HSPA12A: variants seen among roughly 807,000 people sequenced by gnomAD.
The protein encoded by HSPA12A is heat shock protein family A (Hsp70) member 12A, also known as heat shock 70 kDa protein 12A.
A neutral mutation model predicts 69.2 loss-of-function variants in HSPA12A; 28 were observed. That is an observed-to-expected ratio of 0.40 (90% CI 0.30 to 0.55). HSPA12A has a LOEUF of 0.55. HSPA12A is among the 20% of genes least tolerant of loss of function. The pLI is 0.38. For missense variants in HSPA12A, 686 were observed against 900.7 expected, an observed-to-expected ratio of 0.76 and a Z score of 3.05; for synonymous variants, 345 against 370.5, an observed-to-expected ratio of 0.93 and a Z score of 0.79.
At chr10:116,692,949 C>T (rs1554880332) in intron 5 of HSPA12A, among the ~76,000 whole-genome samples, 1 of 152,160 alleles carries the variant, frequency 6.6e-6, no homozygotes, top group Non-Finnish European at 1.5e-5. Flanking sequence ...AAGGGAGTCT[C>T]ACTGCGCCCC....
intron 2 of HSPA12A, among the ~76,000 whole-genome samples, chr10:116,809,774 C>A (rs962781409): frequency 6.6e-6 from 1 of 152,228 alleles, no homozygotes; most frequent in African/African-American, 2.4e-5. Flanking sequence ...CCAAAGGACC[C>A]TTTCCTAAAA....
At chr10:116,839,115 G>A (rs796341582) in intron 1 of HSPA12A, among the ~76,000 whole-genome samples, 9 of 152,300 alleles carry the variant, frequency 5.9e-5, no homozygotes, top group African/African-American at 2.2e-4. Flanking sequence ...TACATAAGGT[G>A]AATATACTTT....
At chr10:116,835,561 C>T (rs989793343) in intron 1 of HSPA12A, among the ~76,000 whole-genome samples, 1 of 152,128 alleles carries the variant, frequency 6.6e-6, no homozygotes, top group African/African-American at 2.4e-5. Flanking sequence ...CAAAGACAAG[C>T]GACTGGGTGT....
intron 2 of HSPA12A, among the ~76,000 whole-genome samples, chr10:116,781,897 T>C (rs542505863): frequency 6.6e-6 from 1 of 152,332 alleles, no homozygotes; most frequent in East Asian, 1.9e-4. Context: ...TGATTCATTC[T>C]ACCAGGTTAA....
chr10:116,739,765 A>C (rs558794134), intron 1 of HSPA12A, among the ~76,000 whole-genome samples: 1 of 152,302 alleles, frequency 6.6e-6, no homozygotes, highest in East Asian at 1.9e-4. Flanking sequence ...ACATCTTATT[A>C]AGAAAATTTG....
chr10:116,796,250 T>C (rs1190827317), intron 2 of HSPA12A, among the ~76,000 whole-genome samples: 2 of 152,154 alleles, frequency 1.3e-5, no homozygotes, highest in Admixed American at 1.3e-4. Flanking sequence ...ATCTGGTACT[T>C]ACCAAGAACT....
chr10:116,676,555 C>T (rs1404088568), intron 10 of HSPA12A, 53 bp from the exon 11 acceptor site: 3 of 1,387,856 alleles, frequency 2.2e-6, no homozygotes, highest in Non-Finnish European at 2.0e-6. Flanking sequence ...ACACGATACC[C>T]AGGCTTATCT....
Position 116,705,169 on chromosome 10 carries a change from T to C in HSPA12A, c.236A>G (p.Glu79Gly). 1.2e-6 allele frequency: 2 copies of C among 1,614,178 alleles called. No homozygotes were observed. Among genetic ancestry groups the C allele is most frequent in the Non-Finnish European group, 1.7e-6 (2 of 1,180,028 alleles). The part of the protein sequence containing the change: ...GYAYSFTKEP[E>G]CIHVMRRWEG... The stretch of plus-strand genomic sequence containing the variant: ...CACTCACCTCATCACATGGATGCAT[T>C]CCGGCTCCTTGGTGAAGCTGTAGGC... The change falls in exon 3 of 12, where the codon GAA becomes GGA. Residue 79 changes from glutamate (E) to glycine (G), a missense_variant. Glu to Gly is a moderately conservative substitution (Grantham distance 98). Transcript: ENST00000369209.
intron 5 of HSPA12A, among the ~76,000 whole-genome samples, chr10:116,694,556 C>T (rs1589634993): frequency 6.6e-6 from 1 of 152,208 alleles, no homozygotes; most frequent in Non-Finnish European, 1.5e-5. Flanking sequence ...CCCTCCCCTT[C>T]TGAGATGGGC....
chr10:116,685,349 A>C (rs1000373673), intron 6 of HSPA12A, among the ~76,000 whole-genome samples: 3 of 151,974 alleles, frequency 2.0e-5, no homozygotes, highest in African/African-American at 7.3e-5. Context: ...TAAGAATGCA[A>C]AGTGGCCAGG....
At chr10:116,702,423 C>T (rs546743617) in intron 3 of HSPA12A, among the ~76,000 whole-genome samples, 130 of 152,292 alleles carry the variant, frequency 8.5e-4, no homozygotes, top group Non-Finnish European at 1.6e-3. Context: ...CTGCTCCCGA[C>T]CCCATGACAT....
chr10:116,673,231 G>T lies in HSPA12A; in HGVS notation c.*1550C>A, dbSNP rs1554877006. ...TGGTTTTGTACACTGGGGAAGGAGA[G>T]AGTGAAGACCCTCCAGTTGGTTCCT... On this transcript the variant is annotated 3_prime_UTR_variant, in exon 12 of 12. Transcript: ENST00000369209. The T allele has an allele frequency of 6.6e-6, 1 of 151,996 alleles. No individual in the cohort carries two copies. The highest frequency in any genetic ancestry group is 2.4e-5 in the African/African-American group (1 of 41,392). 9.4% of individuals were successfully genotyped at this position (151,996 alleles called of 1,614,324 possible).
chr10:116,703,352 C>A (rs1554881829), intron 3 of HSPA12A, among the ~76,000 whole-genome samples: 1 of 152,098 alleles, frequency 6.6e-6, no homozygotes, highest in African/African-American at 2.4e-5. Context: ...GTGCTTTACA[C>A]AACCCTTTAT....
chr10:116,735,704 A>C (rs79764329), intron 1 of HSPA12A, among the ~76,000 whole-genome samples: 2,767 of 152,112 alleles, frequency 0.018, 67 homozygotes, highest in African/African-American at 0.062. Context: ...AAGCCATAAA[A>C]TGACTATTGT....
intron 6 of HSPA12A, among the ~76,000 whole-genome samples, chr10:116,690,883 GAA>G (rs1314437699): frequency 6.6e-6 from 1 of 152,198 alleles, no homozygotes; most frequent in East Asian, 1.9e-4. Flanking sequence ...GTGGGGCTGG[GAA>G]AAGAGTCAAA....
intron 2 of HSPA12A, among the ~76,000 whole-genome samples, chr10:116,804,386 T>TC (rs1252273398): frequency 6.6e-6 from 1 of 152,078 alleles, no homozygotes; most frequent in African/African-American, 2.4e-5. Flanking sequence ...GGTTGGGCCT[T>TC]CGGAAAGCAA....
chr10:116,786,228 T>C (rs985530011), intron 2 of HSPA12A, among the ~76,000 whole-genome samples: 7 of 152,222 alleles, frequency 4.6e-5, no homozygotes, highest in Non-Finnish European at 7.3e-5. Context: ...TGGTAAATAC[T>C]TCTTAAAATA....
chr10:116,727,496 C>T (rs781830107), intron 1 of HSPA12A, among the ~76,000 whole-genome samples: 22 of 152,266 alleles, frequency 1.4e-4, no homozygotes, highest in Non-Finnish European at 3.1e-4. Context: ...GTAGCTACAC[C>T]GAGTCCAGGT....
chr10:116,776,495 T>C (rs1844341695), intron 2 of HSPA12A, among the ~76,000 whole-genome samples: 1 of 152,238 alleles, frequency 6.6e-6, no homozygotes, highest in African/African-American at 2.4e-5. Flanking sequence ...AGAAAGAAGC[T>C]TTGGAATTCA....
Sources: allele counts gnomAD v4.1 joint callset (sites outside exome capture counted in the v4.1 genomes callset), GRCh38; gene constraint gnomAD v4.1.1; transcripts MANE v1.5; gene names NCBI Gene and HGNC (gene_info 2026-07-23, HGNC 2026-07-21).